The following SCEL variants were observed in gnomAD, a reference collection of about 807,000 sequenced individuals.
SCEL encodes the protein sciellin.
A neutral mutation model predicts 117.6 loss-of-function variants in SCEL; 113 were observed. The ratio of observed to expected loss-of-function variants is 0.96; its 90% CI spans 0.83 to 1.12. The LOEUF is 1.12. SCEL is among the 50% of genes most tolerant of loss of function. The pLI is 0.00. For missense variants in SCEL, 785 were observed against 810.8 expected, an observed-to-expected ratio of 0.97 and a Z score of 0.39; for synonymous variants, 270 against 256.2, an observed-to-expected ratio of 1.05 and a Z score of -0.51.
Position 77,613,966 on chromosome 13 carries a change from G to A in SCEL, c.1451+11G>A, listed in dbSNP as rs764784813. On this transcript the variant is annotated intron_variant, in intron 24 of 32. Coordinates refer to ENST00000349847, the MANE Select transcript of SCEL (RefSeq NM_144777.3). The stretch of plus-strand genomic sequence containing the variant: ...CAAAAACACTGATGGGTAAGAGATG[G>A]ATGTGATTTTTGTTGTGTTTCTCGT... 1 of 1,608,690 alleles carries A rather than the reference G, an allele frequency of 6.2e-7. No individual in the cohort carries two copies. Among genetic ancestry groups the A allele is most frequent in the South Asian group, 1.1e-5 (1 of 90,618 alleles).
At chr13:77,541,430 C>A (rs1567327723) in intron 1 of SCEL, among the ~76,000 whole-genome samples, 1 of 152,180 alleles carries the variant, frequency 6.6e-6, no homozygotes, top group East Asian at 1.9e-4. Context: ...CAATAGGGAT[C>A]AAGAATATTT....
intron 27 of SCEL, among the ~76,000 whole-genome samples, chr13:77,622,330 T>C (rs2089467407): frequency 6.6e-6 from 1 of 152,182 alleles, no homozygotes; most frequent in Admixed American, 6.5e-5. Flanking sequence ...AGTGAGCTAA[T>C]AAGTTTCTCA....
intron 22 of SCEL, among the ~76,000 whole-genome samples, chr13:77,612,092 C>T (rs1325218807): frequency 6.6e-6 from 1 of 152,000 alleles, no homozygotes; most frequent in Non-Finnish European, 1.5e-5. Flanking sequence ...ATAAAATGAA[C>T]CTATAGATTA....
chr13:77,551,940 C>T (rs76527284), intron 1 of SCEL, among the ~76,000 whole-genome samples: 149 of 144,996 alleles, frequency 1.0e-3, no homozygotes, highest in Non-Finnish European at 1.6e-3. Flanking sequence ...TGAGAATATG[C>T]GGTGTTTGGT....
intron 3 of SCEL, among the ~76,000 whole-genome samples, chr13:77,559,556 C>A (rs2084856566): frequency 6.8e-6 from 1 of 147,128 alleles, no homozygotes; most frequent in African/African-American, 2.6e-5. Flanking sequence ...AACACTCATT[C>A]ATTGTTGAAT....
rs1393568906 is a variant in SCEL at position 77,627,975 on chromosome 13, G to A, written c.1657G>A (p.Val553Ile). 2 of 1,500,146 alleles carry A rather than the reference G, an allele frequency of 1.3e-6. No individual in the cohort carries two copies. Among genetic ancestry groups the A allele is most frequent in the Admixed American group, 1.8e-5 (1 of 55,582 alleles). The allele number at this position is 1,500,146 out of a possible 1,614,324, so 92.9% of individuals were successfully genotyped here. A position where few individuals can be genotyped will look rare whatever the true frequency, so the allele number is the denominator to read the frequency against. The change falls in exon 28 of 33, where the codon GTA (valine) becomes ATA (isoleucine). Residue 553 changes from valine to isoleucine, a missense_variant. Physicochemically the swap from Val to Ile is conservative, Grantham distance 29. Transcript: ENST00000349847. ...RDQNLENLIEVNSHVSENKNG... is the reference protein window; with the variant it reads ...RDQNLENLIEINSHVSENKNG... ...CCAGAACCTGGAAAATTTAATTGAA[G>A]TAAATTCTCATGTGTCTGAAAACAA...
intron 28 of SCEL, among the ~76,000 whole-genome samples, chr13:77,629,553 C>G (rs530255180): frequency 1.3e-5 from 2 of 152,264 alleles, no homozygotes. Flanking sequence ...GATGCCCAAG[C>G]AAATACATGT....
At chr13:77,582,369 G>A (rs996162763) in intron 9 of SCEL, among the ~76,000 whole-genome samples, 1 of 152,076 alleles carries the variant, frequency 6.6e-6, no homozygotes, top group Non-Finnish European at 1.5e-5. Context: ...TGGGACTACA[G>A]GTGCGTGCCA....
At chr13:77,589,919 A>G (rs2086774159) in intron 10 of SCEL, among the ~76,000 whole-genome samples, 1 of 152,148 alleles carries the variant, frequency 6.6e-6, no homozygotes, top group Non-Finnish European at 1.5e-5. Context: ...TAAACTGTTT[A>G]ATATATCTTG....
intron 1 of SCEL, among the ~76,000 whole-genome samples, chr13:77,544,427 A>G (rs1238009912): frequency 6.6e-6 from 1 of 152,178 alleles, no homozygotes; most frequent in African/African-American, 2.4e-5. Context: ...TGGGAAGGGA[A>G]GAGTGAGATT....
chr13:77,558,585 G>T (rs897766600), intron 3 of SCEL, among the ~76,000 whole-genome samples: 1 of 151,882 alleles, frequency 6.6e-6, no homozygotes, highest in East Asian at 1.9e-4. Context: ...AGGCCGAGGC[G>T]AGCAAGTCAC....
intron 4 of SCEL, among the ~76,000 whole-genome samples, chr13:77,561,255 G>A (rs1886038): frequency 0.025 from 3,782 of 152,270 alleles, 159 homozygotes; most frequent in East Asian, 0.13. Context: ...TGTGAAATAC[G>A]CTTCATATTC....
intron 4 of SCEL, among the ~76,000 whole-genome samples, chr13:77,563,061 T>G (rs1299228890): frequency 2.0e-5 from 3 of 152,308 alleles, no homozygotes; most frequent in East Asian, 1.9e-4. Flanking sequence ...ATCTTTCCTT[T>G]GCTTCCATGA....
chr13:77,634,717 A>G (rs1488284850), intron 29 of SCEL, among the ~76,000 whole-genome samples: 3 of 152,254 alleles, frequency 2.0e-5, no homozygotes, highest in Non-Finnish European at 4.4e-5. Context: ...GAAAGTTCTC[A>G]CATAAATGTA....
At chr13:77,580,101 C>A (rs181907171) in intron 9 of SCEL, among the ~76,000 whole-genome samples, 1 of 152,052 alleles carries the variant, frequency 6.6e-6, no homozygotes, top group African/African-American at 2.4e-5. Context: ...GCCTAAGAAC[C>A]CTTTTAGAAT....
intron 1 of SCEL, among the ~76,000 whole-genome samples, chr13:77,540,714 A>G (rs1045370935): frequency 1.3e-5 from 2 of 152,172 alleles, no homozygotes; most frequent in East Asian, 1.9e-4. Context: ...TGTGAGTGGG[A>G]AGTGGGGAGT....
intron 10 of SCEL, among the ~76,000 whole-genome samples, chr13:77,590,824 A>T (rs893231222): frequency 1.3e-5 from 2 of 152,094 alleles, no homozygotes; most frequent in African/African-American, 4.8e-5. Context: ...ACAAGTAGGA[A>T]TGTATAAGTA....
In SCEL at chr13:77,572,241, G is replaced by A. The variant is rs1318754447; in HGVS notation, c.545+52G>A. 2.2e-6 allele frequency: 3 copies of A among 1,336,904 alleles called. No individual in the cohort carries two copies. In the South Asian group the frequency reaches 3.6e-5, roughly 16 times the overall value. The allele number at this position is 1,336,904 out of a possible 1,614,324, so 82.8% of individuals were successfully genotyped here. A position where few individuals can be genotyped will look rare whatever the true frequency, so the allele number is the denominator to read the frequency against. ...GCTGTGCCATTAGATGGAAGAACATGTCAGACATTGACAACATATAATTGT... is the reference window on the plus strand; with the variant it reads ...GCTGTGCCATTAGATGGAAGAACATATCAGACATTGACAACATATAATTGT... On this transcript the variant is annotated intron_variant, in intron 9 of 32. Transcript: ENST00000349847.
intron 7 of SCEL, 67 bp downstream of exon 7, chr13:77,568,400 C>T (rs1180161975): frequency 1.0e-6 from 1 of 966,244 alleles, no homozygotes; most frequent in African/African-American, 1.7e-5. Flanking sequence ...GGAAAACCAC[C>T]TCAGGCCAAT....
Sources: allele counts gnomAD v4.1 joint callset (sites outside exome capture counted in the v4.1 genomes callset), GRCh38; gene constraint gnomAD v4.1.1; transcripts MANE v1.5; gene names NCBI Gene and HGNC (gene_info 2026-07-23, HGNC 2026-07-21).